Variants in MAPK8IP3 observed in about 807,000 individuals in gnomAD.
MAPK8IP3 encodes the protein C-Jun-amino-terminal kinase-interacting protein 3.
A neutral mutation model predicts 157.8 loss-of-function variants in MAPK8IP3; 49 were observed. The ratio of observed to expected loss-of-function variants is 0.31; its 90% CI spans 0.25 to 0.39. The LOEUF (loss-of-function observed/expected upper bound fraction) is 0.39, where lower values mean the gene tolerates loss of function less well. Ranked by LOEUF, MAPK8IP3 falls within the 10% of genes least tolerant of loss-of-function variation. The probability of loss-of-function intolerance (pLI) is 1.00; values close to 1 mark genes in which losing one functional copy is unlikely to be tolerated. For synonymous variants in MAPK8IP3, 897 were observed against 777.7 expected, an observed-to-expected ratio of 1.15 and a Z score of -2.55; for missense variants, 1,478 against 1,889.4, an observed-to-expected ratio of 0.78 and a Z score of 4.04.
At position 1,729,226 on chromosome 16, in the gene MAPK8IP3, A is replaced by C. The variant is rs748526002; in HGVS notation, c.510+18A>C. Reference sequence around the variant, plus strand: ...ACACAGAGGTGGGCGCCCAGAGGCAAGCGCGGAGACGAGGGTTGGAGACAG... The same window carrying C: ...ACACAGAGGTGGGCGCCCAGAGGCACGCGCGGAGACGAGGGTTGGAGACAG... On this transcript the variant is annotated intron_variant, in intron 3 of 31. Coordinates refer to ENST00000610761, the MANE Select transcript of MAPK8IP3 (RefSeq NM_001318852.2). 9 of 1,613,444 alleles carry C rather than the reference A, an allele frequency of 5.6e-6. No homozygotes were observed. In the South Asian group the frequency reaches 7.7e-5, roughly 14 times the overall value.
Position 1,751,070 on chromosome 16 carries a change from A to G in MAPK8IP3, c.1216+2350A>G, listed in dbSNP as rs1049023559. ...TGCCCTTCTCATTGTGGGCGGTGTC[A>G]TTTCCGTGGGTGGCAGCACTGACGG... On this transcript the variant is annotated intron_variant, in intron 8 of 31. Transcript: ENST00000610761. The surrounding 1 kb of genome is among the most constrained non-coding windows in gnomAD (Gnocchi z 5.0). Among the ~76,000 whole-genome samples the G allele has an allele frequency of 6.6e-6, 1 of 152,184 alleles. No homozygotes were observed. Among genetic ancestry groups the G allele is most frequent in the Non-Finnish European group, 1.5e-5 (1 of 68,032 alleles).
rs558302410 is a variant in MAPK8IP3 at position 1,743,743 on chromosome 16, C to G, written c.747+267C>G. The G allele has an allele frequency of 7.4e-7, 1 of 1,351,834 alleles. No individual in the cohort carries two copies. Among genetic ancestry groups the G allele is most frequent in the Admixed American group, 3.8e-5 (1 of 26,016 alleles). 83.7% of individuals were successfully genotyped at this position (1,351,834 alleles called of 1,614,324 possible). ...TAGACCTCCCTGCCCTTGGATAGAC[C>G]GCTCTGTAGCCAGGGGTGTACAGTG... On this transcript the variant is annotated intron_variant, in intron 5 of 31. Transcript: ENST00000610761. The surrounding 1 kb of genome is among the most constrained non-coding windows in gnomAD (Gnocchi z 5.6).
rs188511380 is a variant in MAPK8IP3, at chr16:1,754,229, A to G, written c.1217-3919A>G. On this transcript the variant is annotated intron_variant, in intron 8 of 31. Transcript: ENST00000610761. ...GTAAGGGAATTAATACTCACTGAGT[A>G]TGTCGCTGGTGCTGGGAGCTGTACC... is the stretch of plus-strand genomic sequence containing the variant. Among the ~76,000 whole-genome samples, 325 of 152,216 alleles carry G rather than the reference A, an allele frequency of 2.1e-3. 6 individuals are homozygous for G. The highest frequency in any genetic ancestry group is 7.5e-3 in the African/African-American group (312 of 41,528).
intron 4 of MAPK8IP3, among the ~76,000 whole-genome samples, chr16:1,736,199 CATGT>C (rs2039787624): frequency 1.2e-5 from 1 of 85,944 alleles, no homozygotes; most frequent in Non-Finnish European, 2.2e-5. Flanking sequence ...TCCGTGTGAG[CATGT>C]GTGACCATCC....
intron 28 of MAPK8IP3, 43 bp from the exon 29 acceptor site, chr16:1,768,026 C>T: frequency 3.1e-6 from 5 of 1,611,914 alleles, no homozygotes; most frequent in Non-Finnish European, 4.2e-6. Context: ...TGCCCCTACG[C>T]TGACCGCTCT....
chr16:1,739,711 C>T (rs1438268591), intron 4 of MAPK8IP3, among the ~76,000 whole-genome samples: 3 of 119,588 alleles, frequency 2.5e-5, no homozygotes, highest in African/African-American at 1.0e-4. Context: ...TGTGACCGTC[C>T]GTGTGAGCAT....
At chr16:1,758,671 C>T (rs561578059) in intron 9 of MAPK8IP3, among the ~76,000 whole-genome samples, 145 of 152,352 alleles carry the variant, frequency 9.5e-4, no homozygotes, top group African/African-American at 3.3e-3. Flanking sequence ...CACAGGGGTG[C>T]CTTCTGCCCT....
Position 1,742,874 on chromosome 16 carries a change from G to A in MAPK8IP3, c.603-458G>A, listed in dbSNP as rs1457936819. 2.6e-5 allele frequency among the ~76,000 whole-genome samples: 4 copies of A among 152,108 alleles called. No individual in the cohort carries two copies. The East Asian group carries it at 5.8e-4, about 22-fold the overall frequency. ...GCGGTGGCTCACGCCTGTAATCCCA[G>A]CACTGTGGGAGGCCGAGGCAGGCGG... is the stretch of plus-strand genomic sequence containing the variant. On this transcript the variant is annotated intron_variant, in intron 4 of 31. Coordinates refer to ENST00000610761, the MANE Select transcript of MAPK8IP3 (RefSeq NM_001318852.2). This position sits in a 1 kb window ranked among gnomAD's most constrained non-coding sequence, Gnocchi z 5.0.
At chr16:1,747,738 G>A (rs1296417314) in intron 6 of MAPK8IP3, among the ~76,000 whole-genome samples, 1 of 152,024 alleles carries the variant, frequency 6.6e-6, no homozygotes, top group Non-Finnish European at 1.5e-5. Context: ...ATCGCCCCAC[G>A]GCACACAGCC....
In MAPK8IP3 at chr16:1,737,401, T is replaced by C. The variant is rs373938401; in HGVS notation, c.603-5931T>C. Among the ~76,000 whole-genome samples, 104 of 86,310 alleles carry C rather than the reference T, an allele frequency of 1.2e-3. 1 individual carries two copies. Among genetic ancestry groups the C allele is most frequent in the East Asian group, 2.0e-3 (4 of 2,036 alleles). The allele number at this position is 86,310 out of a possible 152,430, so 56.6% of individuals were successfully genotyped here. On this transcript the variant is annotated intron_variant, in intron 4 of 31. Transcript: ENST00000610761. ...GAGTGTGACCATCCATGTGAGCATC[T>C]GTGTGACCGTCCGTGTGAGCGTCCG...
chr16:1,745,171 G>A lies in MAPK8IP3; in HGVS notation c.747+1695G>A, dbSNP rs1321290451. 6 of 985,370 alleles carry A rather than the reference G, an allele frequency of 6.1e-6. No individual in the cohort carries two copies. The African/African-American group carries it at 8.7e-5, about 14-fold the overall frequency. 61.0% of individuals were successfully genotyped at this position (985,370 alleles called of 1,614,324 possible). The stretch of plus-strand genomic sequence containing the variant: ...CCCTGTAGGGTGACGGAGAGCTAGG[G>A]GAGGCGCAATCAGACTGCAGAATTC... On this transcript the variant is annotated intron_variant, in intron 5 of 31. Transcript: ENST00000610761.
chr16:1,723,235 A>G (rs2038652514), intron 1 of MAPK8IP3, among the ~76,000 whole-genome samples: 1 of 150,938 alleles, frequency 6.6e-6, no homozygotes, highest in African/African-American at 2.4e-5. Context: ...GAGTTTCACC[A>G]TGTTGGTCAG....
intron 4 of MAPK8IP3, among the ~76,000 whole-genome samples, chr16:1,736,427 TGTGAGC>T (rs2141784756): frequency 1.6e-5 from 1 of 61,692 alleles, no homozygotes; most frequent in South Asian, 1.0e-3. Context: ...TAAGCATCCG[TGTGAGC>T]GTGTGACTGT....
Position 1,724,524 on chromosome 16 carries a change from G to A in MAPK8IP3, c.319-33G>A, listed in dbSNP as rs1197910078. On this transcript the variant is annotated intron_variant, in intron 1 of 31. Transcript: ENST00000610761. The surrounding 1 kb of genome is among the most constrained non-coding windows in gnomAD (Gnocchi z 4.1). ...AGGCGGCTGCTCCACACTCACTCCT[G>A]ATGACTGCTCTTTCCCTCCCTTCCA... is the stretch of plus-strand genomic sequence containing the variant. 6.2e-7 allele frequency: 1 copy of A among 1,609,486 alleles called. No individual in the cohort carries two copies. Among genetic ancestry groups the A allele is most frequent in the African/African-American group, 1.3e-5 (1 of 74,974 alleles).
chr16:1,769,984 A>C lies in MAPK8IP3; in HGVS notation c.*1160A>C, dbSNP rs988551164. On this transcript the variant is annotated 3_prime_UTR_variant, in exon 32 of 32. Transcript: ENST00000610761. ...CCTCTCTGGCCTATTCCTACCTTCC[A>C]GGCCCACTGCACTCCTGTCTGGGAG... 1 of 152,218 alleles carries C rather than the reference A, an allele frequency of 6.6e-6. No homozygotes were observed. The highest frequency in any genetic ancestry group is 1.5e-5 in the Non-Finnish European group (1 of 68,108). The allele number at this position is 152,218 out of a possible 1,614,324, so 9.4% of individuals were successfully genotyped here.
At chr16:1,726,483 TG>T (rs1374034513) in intron 2 of MAPK8IP3, among the ~76,000 whole-genome samples, 5 of 152,124 alleles carry the variant, frequency 3.3e-5, no homozygotes, top group Non-Finnish European at 7.3e-5. Flanking sequence ...AAGACCAGCC[TG>T]GGCAACCTGG....
chr16:1,738,862 CGTGT>C (rs1391026826), intron 4 of MAPK8IP3, among the ~76,000 whole-genome samples: 1 of 126,142 alleles, frequency 7.9e-6, no homozygotes, highest in African/African-American at 3.1e-5. Flanking sequence ...TGTGAGCGTC[CGTGT>C]GAGTGTGACC....
intron 5 of MAPK8IP3, chr16:1,744,061 C>T (rs898246796): frequency 3.0e-6 from 3 of 988,222 alleles, no homozygotes; most frequent in Admixed American, 1.2e-4. Flanking sequence ...GCGGGGGCCC[C>T]AGCAGGTTCT....
chr16:1,743,813 C>T lies in MAPK8IP3; in HGVS notation c.747+337C>T, dbSNP rs939020064. The stretch of plus-strand genomic sequence containing the variant: ...GTGATCCTCTCTCAAACCACACCCC[C>T]ACATAAAGCCTCATGCTCACCCGGG... On this transcript the variant is annotated intron_variant, in intron 5 of 31. Coordinates refer to ENST00000610761, the MANE Select transcript of MAPK8IP3 (RefSeq NM_001318852.2). This position sits in a 1 kb window ranked among gnomAD's most constrained non-coding sequence, Gnocchi z 5.6. 9 of 1,200,504 alleles carry T rather than the reference C, an allele frequency of 7.5e-6. No individual in the cohort carries two copies. The highest frequency in any genetic ancestry group is 9.3e-6 in the Non-Finnish European group (9 of 964,052). 74.4% of individuals were successfully genotyped at this position (1,200,504 alleles called of 1,614,324 possible). A position where few individuals can be genotyped will look rare whatever the true frequency, so the allele number is the denominator to read the frequency against.
Sources: allele counts gnomAD v4.1 joint callset (sites outside exome capture counted in the v4.1 genomes callset), GRCh38; gene constraint gnomAD v4.1.1; non-coding constraint Gnocchi (gnomAD v3.1); transcripts MANE v1.5; gene names NCBI Gene and HGNC (gene_info 2026-07-23, HGNC 2026-07-21).